The following GRK7 variants were observed in gnomAD, a reference collection of about 807,000 sequenced individuals.
The protein encoded by GRK7 is rhodopsin kinase GRK7.
GRK7 carries 24 observed loss-of-function variants against 34.1 expected under a neutral mutation model. The ratio of observed to expected loss-of-function variants is 0.70; its 90% CI spans 0.51 to 0.99. The LOEUF is 0.99. Ranked by LOEUF, GRK7 falls within the 50% of genes least tolerant of loss-of-function variation. The pLI, the probability that GRK7 is intolerant of heterozygous loss-of-function variation, is 0.00. For synonymous variants in GRK7, 256 were observed against 279.4 expected, an observed-to-expected ratio of 0.92 and a Z score of 0.84; for missense variants, 644 against 707.3, an observed-to-expected ratio of 0.91 and a Z score of 1.02.
At position 141,778,254 on chromosome 3, in the gene GRK7, CT is replaced by C; in HGVS notation, c.-28del. 1 of 1,526,678 alleles carries C rather than the reference CT, an allele frequency of 6.6e-7. No homozygotes were observed. The highest frequency in any genetic ancestry group is 8.8e-7 in the Non-Finnish European group (1 of 1,137,380). 94.6% of individuals were successfully genotyped at this position (1,526,678 alleles called of 1,614,324 possible). A position where few individuals can be genotyped will look rare whatever the true frequency, so the allele number is the denominator to read the frequency against. The stretch of plus-strand genomic sequence containing the variant: ...CCAGCAGCCCTCCAGCCCTCTTGTG[CT>C]TTCCCTGGGAGTGCGCCCCGTGCTC... On this transcript the variant is annotated 5_prime_UTR_variant, in exon 3 of 6. Transcript: ENST00000682958. The surrounding 1 kb of genome is among the most constrained non-coding windows in gnomAD (Gnocchi z 4.1).
intron 4 of GRK7, among the ~76,000 whole-genome samples, chr3:141,784,938 A>G (rs2084688308): frequency 6.6e-6 from 1 of 152,168 alleles, no homozygotes; most frequent in Non-Finnish European, 1.5e-5. Flanking sequence ...ACATCAGCAC[A>G]CTCAGCCCCA....
intron 4 of GRK7, among the ~76,000 whole-genome samples, chr3:141,789,942 G>A (rs541875740): frequency 1.4e-4 from 22 of 152,202 alleles, no homozygotes; most frequent in Non-Finnish European, 2.1e-4. Flanking sequence ...ATTTAAAAGC[G>A]CTCACAGTTT....
chr3:141,791,767 G>T (rs1417876467), intron 4 of GRK7, among the ~76,000 whole-genome samples: 2 of 152,086 alleles, frequency 1.3e-5, no homozygotes, highest in African/African-American at 2.4e-5. Context: ...ACTTTGGGAG[G>T]CCAAGGTGGG....
intron 4 of GRK7, among the ~76,000 whole-genome samples, chr3:141,801,939 TC>T (rs755359310): frequency 6.6e-6 from 1 of 151,948 alleles, no homozygotes; most frequent in South Asian, 2.1e-4. Flanking sequence ...GGGGGAAGTT[TC>T]CCCCTATGCC....
At chr3:141,767,098 A>G (rs1203939150) in intron 1 of GRK7, among the ~76,000 whole-genome samples, 1 of 152,184 alleles carries the variant, frequency 6.6e-6, no homozygotes, top group Non-Finnish European at 1.5e-5. Flanking sequence ...TTCAATATTT[A>G]TGGACTTAAT....
chr3:141,779,430 A>G lies in GRK7; in HGVS notation c.612+534A>G, dbSNP rs899092567. On this transcript the variant is annotated intron_variant, in intron 3 of 5. Coordinates refer to ENST00000682958, the MANE Select transcript of GRK7 (RefSeq NM_139209.3). ...GACTCAAAAAAAAAAAAAAAAAGAAAGAAAGAAAAGAAAGAAAACACTTAT... is the reference window on the plus strand; with the variant it reads ...GACTCAAAAAAAAAAAAAAAAAGAAGGAAAGAAAAGAAAGAAAACACTTAT... Among the ~76,000 whole-genome samples, 44 of 151,192 alleles carry G rather than the reference A, an allele frequency of 2.9e-4. 1 individual carries two copies. The highest frequency in any genetic ancestry group is 4.4e-5 in the Non-Finnish European group (3 of 67,758).
rs1296594929 is a variant in GRK7, at chr3:141,819,129, A to G, written c.*2079A>G. Reference sequence around the variant, plus strand: ...CTTTTAACAAAAAAACTGATTGGTGATTAACAGAAATCCAATTAACCAGAG... The same window carrying G: ...CTTTTAACAAAAAAACTGATTGGTGGTTAACAGAAATCCAATTAACCAGAG... On this transcript the variant is annotated 3_prime_UTR_variant, in exon 6 of 6. Coordinates refer to ENST00000682958, the MANE Select transcript of GRK7 (RefSeq NM_139209.3). Among the ~76,000 whole-genome samples the G allele has an allele frequency of 6.6e-6, 1 of 152,168 alleles. No individual in the cohort carries two copies. The highest frequency in any genetic ancestry group is 2.4e-5 in the African/African-American group (1 of 41,438).
intron 4 of GRK7, among the ~76,000 whole-genome samples, chr3:141,799,345 G>A (rs1710926498): frequency 6.6e-6 from 1 of 152,156 alleles, no homozygotes; most frequent in Non-Finnish European, 1.5e-5. Context: ...AGGCATGGTG[G>A]GTCACGCCTG....
chr3:141,797,215 G>C (rs1431233078), intron 4 of GRK7, among the ~76,000 whole-genome samples: 1 of 152,208 alleles, frequency 6.6e-6, no homozygotes, highest in Non-Finnish European at 1.5e-5. Context: ...GCAGGAAGCC[G>C]CCTCTGATGG....
rs114557600 is a variant in GRK7 at position 141,802,042 on chromosome 3, G to C, written c.1051-5603G>C. ...TTCAATATTTCTGAAAAAAAGAGAA[G>C]AGACAAAATGCAAGGGAGAAAATGA... On this transcript the variant is annotated intron_variant, in intron 4 of 5. Coordinates refer to ENST00000682958, the MANE Select transcript of GRK7 (RefSeq NM_139209.3). Among the ~76,000 whole-genome samples the C allele has an allele frequency of 6.7e-3, 1,026 of 152,216 alleles. 14 individuals carry two copies. Among genetic ancestry groups the C allele is most frequent in the African/African-American group, 0.024 (994 of 41,524 alleles).
In GRK7 at chr3:141,778,770, C is replaced by T; in HGVS notation, c.486C>T (p.Pro162=). ...AEAMAFLQEQ[P]FKDFVTSAFY... ...CCATGGCTTTCTTGCAAGAGCAGCC[C>T]TTTAAGGATTTCGTGACCAGCGCCT... The change falls in exon 3 of 6, where the codon CCC becomes CCT. Residue 162 remains proline (P), a synonymous_variant. Transcript: ENST00000682958. The surrounding 1 kb of genome is among the most constrained non-coding windows in gnomAD (Gnocchi z 4.1). 1 of 1,608,302 alleles carries T rather than the reference C, an allele frequency of 6.2e-7. No homozygotes were observed. Among genetic ancestry groups the T allele is most frequent in the Non-Finnish European group, 8.5e-7 (1 of 1,177,740 alleles).
intron 1 of GRK7, among the ~76,000 whole-genome samples, chr3:141,767,310 T>A (rs1260148743): frequency 6.6e-6 from 1 of 152,218 alleles, no homozygotes; most frequent in South Asian, 2.1e-4. Context: ...TCATTATCAA[T>A]TGGAACAGAG....
chr3:141,814,765 T>C (rs902627699), intron 5 of GRK7, among the ~76,000 whole-genome samples: 2 of 152,138 alleles, frequency 1.3e-5, no homozygotes, highest in African/African-American at 4.8e-5. Flanking sequence ...GGTCAAATGG[T>C]AGTTATATTT....
At chr3:141,786,693 G>T (rs752061915) in intron 4 of GRK7, among the ~76,000 whole-genome samples, 1 of 151,630 alleles carries the variant, frequency 6.6e-6, no homozygotes, top group African/African-American at 2.4e-5. Flanking sequence ...CAGGAGAATC[G>T]CTTGAACCCA....
At chr3:141,752,431 T>C in the GRK7 span, among the ~76,000 whole-genome samples, 2 of 152,156 alleles carry the variant, frequency 1.3e-5, no homozygotes, top group Non-Finnish European at 2.9e-5. Context: ...CCACAAGGCA[T>C]AGGACAGCCC....
rs1265964833 is a variant in GRK7, at chr3:141,764,780, G to A, written c.-1173G>A. On this transcript the variant is annotated 5_prime_UTR_variant, in exon 1 of 6. Coordinates refer to ENST00000682958, the MANE Select transcript of GRK7 (RefSeq NM_139209.3). ...CTCCCTGGCAGGTCAAATTTAACAGGTACAAGACTGAGCTCTTGATCTTCC... is the reference window on the plus strand; with the variant it reads ...CTCCCTGGCAGGTCAAATTTAACAGATACAAGACTGAGCTCTTGATCTTCC... 6.6e-6 allele frequency among the ~76,000 whole-genome samples: 1 copy of A among 152,052 alleles called. No individual in the cohort carries two copies. Among genetic ancestry groups the A allele is most frequent in the East Asian group, 1.9e-4 (1 of 5,180 alleles).
chr3:141,759,120 C>T (rs1256204059), upstream of GRK7, among the ~76,000 whole-genome samples: 1 of 143,622 alleles, frequency 7.0e-6, no homozygotes, highest in Non-Finnish European at 1.5e-5. Flanking sequence ...ATTTGACTTC[C>T]TCTTTTCCTA....
chr3:141,790,250 G>A (rs904105362), intron 4 of GRK7, among the ~76,000 whole-genome samples: 1 of 152,004 alleles, frequency 6.6e-6, no homozygotes, highest in Admixed American at 6.5e-5. Context: ...TGCATGCCTC[G>A]GCCTCCCAAA....
chr3:141,819,350 G>T lies in GRK7; in HGVS notation c.*2300G>T, dbSNP rs2107900543. Among the ~76,000 whole-genome samples the T allele has an allele frequency of 6.6e-6, 1 of 152,316 alleles. No individual in the cohort carries two copies. Among genetic ancestry groups the T allele is most frequent in the South Asian group, 2.1e-4 (1 of 4,828 alleles). On this transcript the variant is annotated 3_prime_UTR_variant, in exon 6 of 6. Transcript: ENST00000682958. ...AAAATAAAAATGTCTTGTTGCATTG[G>T]TTCCTTAGTGTGAATTGCCTCTGCT...
Sources: gnomAD v4.1 joint callset for allele counts (sites outside exome capture counted in the v4.1 genomes callset) on GRCh38, gnomAD v4.1.1 for gene constraint, Gnocchi (gnomAD v3.1) non-coding constraint, MANE v1.5 for transcripts, NCBI Gene and HGNC (gene_info 2026-07-23, HGNC 2026-07-21) for gene names.